The following ASAP1 variants were observed in gnomAD, a reference collection of about 807,000 sequenced individuals.
ASAP1 encodes ArfGAP with SH3 domain, ankyrin repeat and PH domain 1.
In ASAP1, 43 loss-of-function variants were observed where a neutral mutation model predicts 145.2. The observed-to-expected ratio is 0.30, with a 90% confidence interval of 0.23 to 0.38. The LOEUF (loss-of-function observed/expected upper bound fraction) is 0.38, where lower values mean the gene tolerates loss of function less well. Among genes scored for constraint, ASAP1 ranks in the 10% least tolerant of loss-of-function variants. The probability of loss-of-function intolerance (pLI) is 1.00; values close to 1 mark genes in which losing one functional copy is unlikely to be tolerated. For missense variants in ASAP1, 1,018 were observed against 1,355.3 expected, an observed-to-expected ratio of 0.75 and a Z score of 3.91; for synonymous variants, 546 against 515.5, an observed-to-expected ratio of 1.06 and a Z score of -0.80.
At chr8:130,149,400 G>T (rs1007515033) in intron 13 of ASAP1, among the ~76,000 whole-genome samples, 6 of 151,880 alleles carry the variant, frequency 4.0e-5, no homozygotes, top group Non-Finnish European at 7.4e-5. Flanking sequence ...AAGAATTTAT[G>T]AATGAAATCT....
At chr8:130,139,433 A>C (rs2097604151) in intron 13 of ASAP1, among the ~76,000 whole-genome samples, 1 of 152,138 alleles carries the variant, frequency 6.6e-6, no homozygotes, top group African/African-American at 2.4e-5. Flanking sequence ...AAATTTAATA[A>C]TTTTTAAGCT....
chr8:130,357,835 G>A (rs1826425595), intron 3 of ASAP1, among the ~76,000 whole-genome samples, 182 bp downstream of exon 3: 1 of 152,224 alleles, frequency 6.6e-6, no homozygotes, highest in Non-Finnish European at 1.5e-5. Context: ...GCAAGACCCA[G>A]AAAGGGCGAG....
chr8:130,232,624 A>T (rs943484320), intron 4 of ASAP1, among the ~76,000 whole-genome samples: 1 of 145,350 alleles, frequency 6.9e-6, no homozygotes, highest in African/African-American at 2.5e-5. Flanking sequence ...CAATTTGTTT[A>T]AAAAAAAAAA....
intron 27 of ASAP1, among the ~76,000 whole-genome samples, chr8:130,072,825 G>GCGCGCGCGCGCGCGCGCA (rs1554816409): frequency 1.8e-5 from 1 of 54,098 alleles, no homozygotes; most frequent in African/African-American, 9.1e-5. Context: ...GTGTGTGTGT[G>GCGCGCGCGCGCGCGCGCA]CGCGCGGGGG....
Position 130,431,953 on chromosome 8 carries a change from AAGG to A in ASAP1, c.-28+11504_-28+11506del, listed in dbSNP as rs1414099665. On this transcript the variant is annotated intron_variant, in intron 1 of 29. Coordinates refer to ENST00000518721, the MANE Select transcript of ASAP1 (RefSeq NM_018482.4). ...GGGAGAGGAGGAGGAGGAAAGGAGG[AAGG>A]AGGAGGAGGGGGAAGAAGGGGAAGG... is the stretch of plus-strand genomic sequence containing the variant. Among the ~76,000 whole-genome samples the A allele has an allele frequency of 3.6e-5, 4 of 112,652 alleles. No homozygotes were observed. In the East Asian group the frequency reaches 1.2e-3, roughly 33 times the overall value. 73.9% of individuals were successfully genotyped at this position (112,652 alleles called of 152,430 possible). A position where few individuals can be genotyped will look rare whatever the true frequency, so the allele number is the denominator to read the frequency against.
rs1323064026 is a variant in ASAP1, at chr8:130,438,078, G to A, written c.-28+5382C>T. ...CCCCAGGCAGCAGACGCCCTCAGTC[G>A]CTTTGTAACTCAGCTCGTCGGTGGC... is the stretch of plus-strand genomic sequence containing the variant. On this transcript the variant is annotated intron_variant, in intron 1 of 29. Coordinates refer to ENST00000518721, the MANE Select transcript of ASAP1 (RefSeq NM_018482.4). Among the ~76,000 whole-genome samples, 11 of 152,286 alleles carry A rather than the reference G, an allele frequency of 7.2e-5. No homozygotes were observed. In the South Asian group the frequency reaches 1.0e-3, roughly 14 times the overall value.
At chr8:130,125,810 T>C in intron 17 of ASAP1, 146 bp downstream of exon 17, 1 of 731,946 alleles carries the variant, frequency 1.4e-6, no homozygotes. Flanking sequence ...CCACAAAAGT[T>C]ACATTTTAAA....
At chr8:130,249,595 AAAT>A (rs1353287706) in intron 3 of ASAP1, among the ~76,000 whole-genome samples, 1 of 152,184 alleles carries the variant, frequency 6.6e-6, no homozygotes, top group Non-Finnish European at 1.5e-5. Flanking sequence ...CCCAATTAAG[AAAT>A]AATCTCTCTT....
intron 3 of ASAP1, among the ~76,000 whole-genome samples, chr8:130,273,964 G>A (rs1820731597): frequency 1.3e-5 from 2 of 152,186 alleles, no homozygotes; most frequent in Admixed American, 1.3e-4. Context: ...CGGAGGAGCT[G>A]GGGTCCACGA....
chr8:130,382,423 A>C (rs1252452101), intron 2 of ASAP1, among the ~76,000 whole-genome samples: 1 of 152,176 alleles, frequency 6.6e-6, no homozygotes, highest in Admixed American at 6.5e-5. Context: ...CAAGGTGCTT[A>C]ATAAAGATGT....
chr8:130,128,153 T>TTTC, intron 15 of ASAP1, 63 bp from the exon 16 acceptor site: 1 of 944,544 alleles, frequency 1.1e-6, no homozygotes, highest in African/African-American at 1.8e-5. Flanking sequence ...TTTTTTTTTT[T>TTTC]TTTTTTTTTT....
intron 18 of ASAP1, among the ~76,000 whole-genome samples, chr8:130,120,229 C>T (rs1382441689): frequency 6.6e-6 from 1 of 152,198 alleles, no homozygotes; most frequent in Admixed American, 6.5e-5. Flanking sequence ...CTTCCAGTAA[C>T]CAAAAGAACG....
intron 2 of ASAP1, among the ~76,000 whole-genome samples, chr8:130,395,886 G>A (rs374167908): frequency 1.6e-4 from 24 of 152,150 alleles, no homozygotes; most frequent in African/African-American, 5.5e-4. Flanking sequence ...GGCTGATCTC[G>A]AACTCCTGAT....
At chr8:130,421,971 C>A (rs79829215) in intron 1 of ASAP1, among the ~76,000 whole-genome samples, 5,175 of 152,132 alleles carry the variant, frequency 0.034, 186 homozygotes, top group African/African-American at 0.083. Context: ...CAGAAAGCCA[C>A]AAAATAGTGG....
intron 25 of ASAP1, chr8:130,084,770 T>C (rs867211739): frequency 1.3e-5 from 2 of 151,246 alleles, no homozygotes; most frequent in Non-Finnish European, 2.9e-5. Flanking sequence ...AGATATGTAA[T>C]AAAACAAACA....
intron 11 of ASAP1, among the ~76,000 whole-genome samples, chr8:130,167,111 C>G (rs970302806): frequency 6.6e-5 from 10 of 151,944 alleles, no homozygotes; most frequent in African/African-American, 2.4e-4. Flanking sequence ...CAAGACCAGC[C>G]AGGGCAACAT....
chr8:130,063,374 G>A (rs957703471), intron 27 of ASAP1, among the ~76,000 whole-genome samples: 8 of 152,222 alleles, frequency 5.3e-5, no homozygotes, highest in Middle Eastern at 3.4e-3. Context: ...GACGTGCAGG[G>A]CCATGCTGTC....
chr8:130,167,112 A>G lies in ASAP1; in HGVS notation c.909+424T>C, dbSNP rs980066703. On this transcript the variant is annotated intron_variant, in intron 11 of 29. Transcript: ENST00000518721. ...TGAGTCCAGCAGTTCAAGACCAGCC[A>G]GGGCAACATGGTCAAACTCCATCTC... Among the ~76,000 whole-genome samples, 5 of 152,168 alleles carry G rather than the reference A, an allele frequency of 3.3e-5. No homozygotes were observed. In the East Asian group the frequency reaches 9.7e-4, roughly 30 times the overall value.
intron 3 of ASAP1, among the ~76,000 whole-genome samples, chr8:130,244,811 C>T (rs2114197): frequency 0.11 from 16,272 of 152,148 alleles, 1,075 homozygotes; most frequent in African/African-American, 0.18. Context: ...CCATCTTTAA[C>T]CCCTGCAATC....
Sources: allele counts gnomAD v4.1 joint callset (sites outside exome capture counted in the v4.1 genomes callset), GRCh38; gene constraint gnomAD v4.1.1; transcripts MANE v1.5; gene names NCBI Gene and HGNC (gene_info 2026-07-23, HGNC 2026-07-21).